Variants in UBE2V2 observed in about 807,000 individuals in gnomAD.
The protein encoded by UBE2V2 is ubiquitin conjugating enzyme E2 V2, also known as ubiquitin-conjugating enzyme E2 variant 2.
In UBE2V2, 9 loss-of-function variants were observed where a neutral mutation model predicts 17.2. The observed-to-expected ratio is 0.52, with a 90% CI of 0.32 to 0.91. The LOEUF (loss-of-function observed/expected upper bound fraction) is 0.91, where lower values mean the gene tolerates loss of function less well. Among genes scored for constraint, UBE2V2 ranks in the 40% least tolerant of loss-of-function variants. The pLI is 0.04. For synonymous variants in UBE2V2, 61 were observed against 57.5 expected (o/e 1.06, Z -0.28); for missense variants, 133 against 182.6 (o/e 0.73, Z 1.56).
At chr8:48,026,792 A>G (rs1314706524) in intron 1 of UBE2V2, among the ~76,000 whole-genome samples, 1 of 152,162 alleles carries the variant, frequency 6.6e-6, no homozygotes, top group Non-Finnish European at 1.5e-5. Flanking sequence ...CATTGGATAC[A>G]CCACATTTTT....
upstream of UBE2V2, chr8:48,008,428 G>C: frequency 6.4e-7 from 1 of 1,562,452 alleles, no homozygotes; most frequent in Non-Finnish European, 8.6e-7. Flanking sequence ...CGTGCGTGCG[G>C]GCGGCTGCGT....
intron 1 of UBE2V2, among the ~76,000 whole-genome samples, chr8:48,040,844 GTTTTTTTT>G (rs71225699): frequency 1.3e-5 from 1 of 74,106 alleles, no homozygotes; most frequent in African/African-American, 5.4e-5. Context: ...GCCAGGCTGG[GTTTTTTTT>G]TTTTTTTTTT....
upstream of UBE2V2, among the ~76,000 whole-genome samples, chr8:48,007,969 C>A (rs1339560684): frequency 1.3e-5 from 2 of 152,176 alleles, no homozygotes; most frequent in Non-Finnish European, 2.9e-5. Flanking sequence ...GTTGTCCAGG[C>A]TGGAGTGCAG....
chr8:48,027,149 C>T (rs763052476), intron 1 of UBE2V2, among the ~76,000 whole-genome samples: 8 of 151,976 alleles, frequency 5.3e-5, no homozygotes, highest in Non-Finnish European at 8.8e-5. Flanking sequence ...GACAAGCCTG[C>T]GCTACCATGC....
rs1802632391 is a variant in UBE2V2, at chr8:48,064,205, G to C, written c.*3377G>C. 1 of 152,172 alleles carries C rather than the reference G, an allele frequency of 6.6e-6. No individual in the cohort carries two copies. The highest frequency in any genetic ancestry group is 2.4e-5 in the African/African-American group (1 of 41,440). The allele number at this position is 152,172 out of a possible 1,614,324, so 9.4% of individuals were successfully genotyped here. On this transcript the variant is annotated 3_prime_UTR_variant, in exon 4 of 4. Coordinates refer to ENST00000523111, the MANE Select transcript of UBE2V2 (RefSeq NM_003350.3). ...TTTATAGTATGCTTTTTAGGCATCTGTATGTGTAATATCATAGTATCATTT... is the reference window on the plus strand; with the variant it reads ...TTTATAGTATGCTTTTTAGGCATCTCTATGTGTAATATCATAGTATCATTT...
intron 1 of UBE2V2, among the ~76,000 whole-genome samples, chr8:48,035,447 CAGGT>C (rs1342440856): frequency 1.3e-5 from 2 of 151,774 alleles, no homozygotes; most frequent in Non-Finnish European, 2.9e-5. Flanking sequence ...ACTGATAAAA[CAGGT>C]AGGAAGGTTT....
chr8:48,018,860 C>A (rs1179582900), intron 1 of UBE2V2, among the ~76,000 whole-genome samples: 1 of 152,104 alleles, frequency 6.6e-6, no homozygotes, highest in African/African-American at 2.4e-5. Flanking sequence ...TACAATTATT[C>A]TCTTGCTAAA....
chr8:48,010,312 C>T (rs2091218977), intron 1 of UBE2V2, among the ~76,000 whole-genome samples: 1 of 150,296 alleles, frequency 6.7e-6, no homozygotes, highest in Non-Finnish European at 1.5e-5. Flanking sequence ...TCTTGGCTCA[C>T]TGCACCCTCC....
intron 1 of UBE2V2, among the ~76,000 whole-genome samples, chr8:48,012,422 A>G (rs2091238808): frequency 6.6e-6 from 1 of 152,206 alleles, no homozygotes; most frequent in South Asian, 2.1e-4. Flanking sequence ...TAGTTTAGAT[A>G]GAAAAGTATG....
chr8:48,021,426 C>G (rs1405294477), intron 1 of UBE2V2, among the ~76,000 whole-genome samples: 1 of 151,076 alleles, frequency 6.6e-6, no homozygotes, highest in Non-Finnish European at 1.5e-5. Flanking sequence ...CCTGCCTCAT[C>G]CTCCTGAGTA....
At chr8:48,047,009 C>T (rs573267869) in intron 2 of UBE2V2, among the ~76,000 whole-genome samples, 212 of 150,842 alleles carry the variant, frequency 1.4e-3, no homozygotes, top group Non-Finnish European at 2.5e-3. Context: ...GACACTATCT[C>T]GGGCTCACCG....
At chr8:48,011,532 G>A (rs1469970491) in intron 1 of UBE2V2, among the ~76,000 whole-genome samples, 1 of 152,084 alleles carries the variant, frequency 6.6e-6, no homozygotes, top group Non-Finnish European at 1.5e-5. Flanking sequence ...TTGTTTAAGA[G>A]GCCAAAAAGA....
chr8:48,034,575 C>CT lies in UBE2V2; in HGVS notation c.17-8449dup, dbSNP rs74511157. On this transcript the variant is annotated intron_variant, in intron 1 of 3. Transcript: ENST00000523111. ...TGCTATTAGGTCTCCCCCACCCCCC[C>CT]TTTTTTTTTAACTTATACACAATTA... Among the ~76,000 whole-genome samples, 564 of 141,790 alleles carry CT rather than the reference C, an allele frequency of 4.0e-3. 4 individuals are homozygous for CT. Among genetic ancestry groups the CT allele is most frequent in the African/African-American group, 9.6e-3 (373 of 38,980 alleles). 93.0% of individuals were successfully genotyped at this position (141,790 alleles called of 152,430 possible). A position where few individuals can be genotyped will look rare whatever the true frequency, so the allele number is the denominator to read the frequency against.
upstream of UBE2V2, among the ~76,000 whole-genome samples, chr8:48,003,771 T>A (rs1477501620): frequency 1.3e-5 from 2 of 152,044 alleles, no homozygotes; most frequent in Non-Finnish European, 2.9e-5. Flanking sequence ...CAGGAAAGGA[T>A]TCAGAGAAGT....
At chr8:48,022,589 A>G (rs2091313113) in intron 1 of UBE2V2, among the ~76,000 whole-genome samples, 1 of 152,136 alleles carries the variant, frequency 6.6e-6, no homozygotes, top group Admixed American at 6.6e-5. Context: ...TACTTTTCCC[A>G]GTGAGTTTTA....
intron 1 of UBE2V2, among the ~76,000 whole-genome samples, chr8:48,038,840 G>C (rs1039679858): frequency 4.6e-5 from 7 of 151,864 alleles, no homozygotes; most frequent in Non-Finnish European, 1.0e-4. Context: ...GACCAGGCTG[G>C]TGTTGAACTC....
intron 1 of UBE2V2, chr8:48,035,104 ATTC>A: frequency 2.8e-6 from 2 of 715,398 alleles, no homozygotes; most frequent in Non-Finnish European, 3.3e-6. Context: ...TTCCCTATTT[ATTC>A]TTTTTTTTTT....
chr8:48,044,143 CTGATGA>C (rs549316347), intron 2 of UBE2V2, among the ~76,000 whole-genome samples: 4 of 151,234 alleles, frequency 2.6e-5, no homozygotes, highest in Non-Finnish European at 5.9e-5. Flanking sequence ...AGAGTTCCTC[CTGATGA>C]TGATGATGAT....
the UBE2V2 span, among the ~76,000 whole-genome samples, chr8:47,997,790 C>T: frequency 1.3e-5 from 2 of 151,414 alleles, no homozygotes; most frequent in Admixed American, 6.6e-5. Context: ...GAGTAGGAGG[C>T]GGGATGGTTG....
Sources: gnomAD v4.1 joint callset for allele counts (sites outside exome capture counted in the v4.1 genomes callset) on GRCh38, gnomAD v4.1.1 for gene constraint, MANE v1.5 for transcripts, NCBI Gene and HGNC (gene_info 2026-07-23, HGNC 2026-07-21) for gene names.